MYO6: variants seen among roughly 807,000 people sequenced by gnomAD.
MYO6 encodes unconventional myosin-VI.
MYO6 carries 74 observed loss-of-function variants against 178.7 expected under a neutral mutation model. The ratio of observed to expected loss-of-function variants is 0.41; its 90% CI spans 0.34 to 0.50. The LOEUF (loss-of-function observed/expected upper bound fraction) is 0.50, where lower values mean the gene tolerates loss of function less well. Ranked by LOEUF, MYO6 falls within the 20% of genes least tolerant of loss-of-function variation. The pLI is 0.09. For synonymous variants in MYO6, 477 were observed against 504.6 expected (o/e 0.95, Z 0.73); for missense variants, 1,330 against 1,547.4 (o/e 0.86, Z 2.36).
chr6:75,872,858 C>T lies in MYO6; in HGVS notation c.1984-349C>T, dbSNP rs186430157. On this transcript the variant is annotated intron_variant, in intron 19 of 34. Coordinates refer to ENST00000369977, the MANE Select transcript of MYO6 (RefSeq NM_004999.4). The stretch of plus-strand genomic sequence containing the variant: ...GCAGTGGCGTGATCTCAGCTCACTG[C>T]AACCTCCACCTCCTGGGTTCAAGTG... 1.8e-3 allele frequency among the ~76,000 whole-genome samples: 267 copies of T among 151,864 alleles called. 2 individuals are homozygous for T. Among genetic ancestry groups the T allele is most frequent in the African/African-American group, 6.3e-3 (260 of 41,382 alleles).
intron 9 of MYO6, 145 bp downstream of exon 9, chr6:75,841,523 TAA>T (rs770670898): frequency 1.1e-3 from 579 of 544,582 alleles, no homozygotes; most frequent in Middle Eastern, 3.2e-3. Flanking sequence ...ACCCTGTCTC[TAA>T]AAAAAAAAAA....
At chr6:75,788,442 T>A (rs772410460) in intron 1 of MYO6, among the ~76,000 whole-genome samples, 1 of 152,166 alleles carries the variant, frequency 6.6e-6, no homozygotes, top group Non-Finnish European at 1.5e-5. Flanking sequence ...CCCAATCTCC[T>A]CCCACCAGTC....
At position 75,758,181 on chromosome 6, in the gene MYO6, T is replaced by C. The variant is rs1452195603; in HGVS notation, c.-48+8758T>C. ...TTAGTAGACACGGGGTTTCACTATGTTGGCAAGCTTCCCTTTTGATTTATG... is the reference window on the plus strand; with the variant it reads ...TTAGTAGACACGGGGTTTCACTATGCTGGCAAGCTTCCCTTTTGATTTATG... On this transcript the variant is annotated intron_variant, in intron 1 of 34. Coordinates refer to ENST00000369977, the MANE Select transcript of MYO6 (RefSeq NM_004999.4). Among the ~76,000 whole-genome samples the C allele has an allele frequency of 2.0e-5, 3 of 151,784 alleles. No individual in the cohort carries two copies. The East Asian group carries it at 5.8e-4, about 29-fold the overall frequency.
At chr6:75,786,893 A>G (rs1020149357) in intron 1 of MYO6, among the ~76,000 whole-genome samples, 10 of 152,226 alleles carry the variant, frequency 6.6e-5, no homozygotes, top group African/African-American at 2.4e-4. Context: ...ACCATAGGTA[A>G]CAGTTATCAC....
chr6:75,877,272 CT>C (rs767503028), intron 20 of MYO6, among the ~76,000 whole-genome samples: 138 of 142,854 alleles, frequency 9.7e-4, no homozygotes, highest in Admixed American at 9.1e-4. Context: ...CGCGCCTCGT[CT>C]TTTTTTTTTT....
At chr6:75,862,854 C>A in intron 16 of MYO6, 131 bp downstream of exon 16, 1 of 1,036,858 alleles carries the variant, frequency 9.6e-7, no homozygotes, top group Non-Finnish European at 1.5e-6. Context: ...ATATTATATC[C>A]AGCACAGTAT....
chr6:75,890,308 A>G, intron 26 of MYO6, 43 bp downstream of exon 26: 1 of 1,611,186 alleles, frequency 6.2e-7, no homozygotes, highest in Non-Finnish European at 8.5e-7. Context: ...TTAAAGAAAT[A>G]GTGAATTCTT....
intron 22 of MYO6, 106 bp from the exon 23 acceptor site, chr6:75,881,583 T>C (rs1778033059): frequency 8.5e-7 from 1 of 1,171,912 alleles, no homozygotes; most frequent in African/African-American, 1.5e-5. Flanking sequence ...CATGTGACCA[T>C]TTTCAGACAG....
At chr6:75,833,841 G>A (rs1773369525) in intron 6 of MYO6, among the ~76,000 whole-genome samples, 1 of 152,162 alleles carries the variant, frequency 6.6e-6, no homozygotes, top group South Asian at 2.1e-4. Context: ...AATTTGAAAA[G>A]GTTGACTTTT....
intron 29 of MYO6, 31 bp downstream of exon 29, chr6:75,895,291 T>C (rs1165107654): frequency 5.1e-6 from 8 of 1,566,614 alleles, no homozygotes; most frequent in Non-Finnish European, 7.0e-6. Context: ...TTTTTAAAAA[T>C]AGGTTGTAGA....
intron 1 of MYO6, among the ~76,000 whole-genome samples, chr6:75,790,790 G>A (rs1768148608): frequency 6.6e-6 from 1 of 152,072 alleles, no homozygotes; most frequent in South Asian, 2.1e-4. Context: ...ATTAATTTTT[G>A]TAGGAGATAA....
intron 8 of MYO6, 23 bp downstream of exon 8, chr6:75,840,705 A>C: frequency 6.4e-7 from 1 of 1,564,162 alleles, no homozygotes; most frequent in Non-Finnish European, 8.8e-7. Context: ...AAGCTTTGGA[A>C]TGATATTTTT....
In MYO6 at chr6:75,789,151, T is replaced by C. The variant is rs569381132; in HGVS notation, c.-47-28350T>C. 1.7e-3 allele frequency among the ~76,000 whole-genome samples: 261 copies of C among 152,290 alleles called. 3 individuals carry two copies. Among genetic ancestry groups the C allele is most frequent in the Non-Finnish European group, 1.8e-3 (125 of 68,014 alleles). On this transcript the variant is annotated intron_variant, in intron 1 of 34. Transcript: ENST00000369977. Reference sequence around the variant, plus strand: ...ACTTTCTGCCTTTCAAATTTAGATCTTCAATTCATTACAGTACCAGGTTTC... The same window carrying C: ...ACTTTCTGCCTTTCAAATTTAGATCCTCAATTCATTACAGTACCAGGTTTC...
In MYO6 at chr6:75,787,156, T is replaced by C. The variant is rs1381625625; in HGVS notation, c.-47-30345T>C. Among the ~76,000 whole-genome samples, 3 of 152,312 alleles carry C rather than the reference T, an allele frequency of 2.0e-5. No individual in the cohort carries two copies. In the East Asian group the frequency reaches 5.8e-4, roughly 29 times the overall value. On this transcript the variant is annotated intron_variant, in intron 1 of 34. Coordinates refer to ENST00000369977, the MANE Select transcript of MYO6 (RefSeq NM_004999.4). ...CACACCCACTAGAAAGGCTAAAATT[T>C]TTTACACTTATACTACTAAATGCTA...
At chr6:75,756,642 T>C (rs1407556487) in intron 1 of MYO6, among the ~76,000 whole-genome samples, 1 of 152,150 alleles carries the variant, frequency 6.6e-6, no homozygotes, top group Non-Finnish European at 1.5e-5. Flanking sequence ...CAATAGCAGC[T>C]ATTGTTTATT....
At chr6:75,805,021 A>ATTTTTTTTTTTTTT (rs58697772) in intron 1 of MYO6, among the ~76,000 whole-genome samples, 4 of 77,312 alleles carry the variant, frequency 5.2e-5, no homozygotes, top group African/African-American at 4.1e-4. Flanking sequence ...ATATATATAT[A>ATTTTTTTTTTTTTT]TTTTTTTTTT....
At chr6:75,910,646 T>A (rs988497428) in intron 32 of MYO6, among the ~76,000 whole-genome samples, 1 of 152,182 alleles carries the variant, frequency 6.6e-6, no homozygotes, top group Non-Finnish European at 1.5e-5. Context: ...TATGAGTCAT[T>A]TTCAGGATAT....
chr6:75,781,255 C>T lies in MYO6; in HGVS notation c.-48+31832C>T, dbSNP rs193199231. Reference sequence around the variant, plus strand: ...AAAGTAGGTTCATAGAAAGGGGTACCTAATCCTGAGAAGGGTTAGAGTGAA... The same window carrying T: ...AAAGTAGGTTCATAGAAAGGGGTACTTAATCCTGAGAAGGGTTAGAGTGAA... On this transcript the variant is annotated intron_variant, in intron 1 of 34. Coordinates refer to ENST00000369977, the MANE Select transcript of MYO6 (RefSeq NM_004999.4). 9.0e-4 allele frequency among the ~76,000 whole-genome samples: 137 copies of T among 152,166 alleles called. No homozygotes were observed. The Middle Eastern group carries it at 0.014, about 15-fold the overall frequency.
chr6:75,778,679 G>A (rs1160326354), intron 1 of MYO6, among the ~76,000 whole-genome samples: 1 of 151,610 alleles, frequency 6.6e-6, no homozygotes, highest in African/African-American at 2.4e-5. Context: ...CAGAATATAA[G>A]CTAATTATTC....
Sources: gnomAD v4.1 joint callset for allele counts (sites outside exome capture counted in the v4.1 genomes callset) on GRCh38, gnomAD v4.1.1 for gene constraint, MANE v1.5 for transcripts, NCBI Gene and HGNC (gene_info 2026-07-23, HGNC 2026-07-21) for gene names.